Variants in FGD3 observed in about 807,000 individuals in gnomAD.
FGD3 encodes the protein FYVE, RhoGEF and PH domain-containing protein 3.
FGD3 carries 45 observed loss-of-function variants against 71.8 expected under a neutral mutation model. That is an observed-to-expected ratio of 0.63 (90% CI 0.49 to 0.80). FGD3 has a LOEUF of 0.80. Ranked by LOEUF, FGD3 falls within the 30% of genes least tolerant of loss-of-function variation. The pLI is 0.00. For synonymous variants in FGD3, 378 were observed against 392.8 expected (o/e 0.96, Z 0.44); for missense variants, 844 against 951.5 (o/e 0.89, Z 1.49).
At chr9:92,964,999 C>G (rs4587396) in intron 1 of FGD3, among the ~76,000 whole-genome samples, 2 of 152,152 alleles carry the variant, frequency 1.3e-5, no homozygotes, top group East Asian at 3.9e-4. Flanking sequence ...AGGAGTGCTG[C>G]GCCCACCAAA....
chr9:93,012,696 G>C (rs546760799), intron 8 of FGD3, among the ~76,000 whole-genome samples: 7 of 135,216 alleles, frequency 5.2e-5, no homozygotes, highest in Non-Finnish European at 9.5e-5. Flanking sequence ...GCGGGGTGTG[G>C]GGGGGGGAAG....
chr9:93,022,874 G>A (rs994656076), intron 14 of FGD3, among the ~76,000 whole-genome samples: 16 of 152,100 alleles, frequency 1.1e-4, no homozygotes, highest in Non-Finnish European at 1.6e-4. Flanking sequence ...GCCTCTCCCC[G>A]TCTGTGTTCT....
chr9:93,031,532 A>G (rs1214498059), intron 15 of FGD3, among the ~76,000 whole-genome samples: 1 of 152,072 alleles, frequency 6.6e-6, no homozygotes, highest in Non-Finnish European at 1.5e-5. Flanking sequence ...GCTTCCTCAC[A>G]CAAGAAGTGA....
intron 3 of FGD3, among the ~76,000 whole-genome samples, chr9:93,001,808 GA>G (rs1311072606): frequency 6.6e-6 from 1 of 152,142 alleles, no homozygotes; most frequent in Non-Finnish European, 1.5e-5. Context: ...GATTGTCAGG[GA>G]GAATTGGCCT....
At chr9:92,958,298 C>T (rs1859102644) in intron 1 of FGD3, among the ~76,000 whole-genome samples, 1 of 152,122 alleles carries the variant, frequency 6.6e-6, no homozygotes, top group South Asian at 2.1e-4. Flanking sequence ...CTTGCCCGGC[C>T]TTAAAGACTT....
At chr9:93,028,641 C>T (rs989143856) in intron 14 of FGD3, among the ~76,000 whole-genome samples, 21 of 152,242 alleles carry the variant, frequency 1.4e-4, no homozygotes, top group African/African-American at 3.1e-4. Context: ...TAACAGGAAA[C>T]GGTAATTAGC....
chr9:92,953,625 A>G (rs1858998048), intron 1 of FGD3, among the ~76,000 whole-genome samples: 1 of 152,094 alleles, frequency 6.6e-6, no homozygotes, highest in Non-Finnish European at 1.5e-5. Context: ...GGCTCACACA[A>G]TGTCACCTGC....
intron 14 of FGD3, among the ~76,000 whole-genome samples, chr9:93,026,519 C>T (rs1161939575): frequency 6.6e-6 from 1 of 152,220 alleles, no homozygotes; most frequent in Non-Finnish European, 1.5e-5. Context: ...CGGACCTCAG[C>T]TCCATGGGAG....
chr9:93,032,404 C>T (rs1862388893), intron 15 of FGD3: 1 of 224,544 alleles, frequency 4.5e-6, no homozygotes. Flanking sequence ...AATAGCCATG[C>T]TGAGGGGTGA....
In FGD3 at chr9:92,976,575, G is replaced by A. The variant is rs1404691949; in HGVS notation, c.319G>A (p.Ala107Thr). The A allele has an allele frequency of 5.6e-6, 9 of 1,612,536 alleles. No individual in the cohort carries two copies. The highest frequency in any genetic ancestry group is 6.8e-6 in the Non-Finnish European group (8 of 1,179,882). Residue 107 changes from alanine (A) to threonine (T), a missense_variant, in exon 3 of 18, where the codon GCG (alanine) becomes ACG (threonine). Physicochemically the swap from Ala to Thr is moderately conservative, Grantham distance 58. Transcript: ENST00000375482. ...EAGPSPTVLG[A>T]HAEMALDSQV... ...TGGCCCAAGCCCCACTGTACTGGGG[G>A]CGCACGCAGAGATGGCCCTGGACAG...
chr9:93,029,470 G>T (rs1862272704), intron 14 of FGD3, among the ~76,000 whole-genome samples: 1 of 152,242 alleles, frequency 6.6e-6, no homozygotes, highest in South Asian at 2.1e-4. Flanking sequence ...TGGCCACACG[G>T]CTCCAGTTGC....
rs576480176 is a variant in FGD3 at position 92,966,701 on chromosome 9, G to A, written c.-217-8537G>A. On this transcript the variant is annotated intron_variant, in intron 1 of 17. Coordinates refer to ENST00000375482, the MANE Select transcript of FGD3 (RefSeq NM_001083536.2). Reference sequence around the variant, plus strand: ...TGTGGACCAAGGAAGGAGGGCAAGAGTGTGTGAATGAGGGCTGAGCTCCGC... The same window carrying A: ...TGTGGACCAAGGAAGGAGGGCAAGAATGTGTGAATGAGGGCTGAGCTCCGC... Among the ~76,000 whole-genome samples, 33 of 152,314 alleles carry A rather than the reference G, an allele frequency of 2.2e-4. No individual in the cohort carries two copies. In the South Asian group the frequency reaches 5.6e-3, roughly 26 times the overall value.
At chr9:93,011,567 C>A (rs1587853522) in intron 8 of FGD3, among the ~76,000 whole-genome samples, 1 of 152,334 alleles carries the variant, frequency 6.6e-6, no homozygotes, top group African/African-American at 2.4e-5. Context: ...GTAAAAGAAT[C>A]ACTCTATGGG....
rs1407741443 is a variant in FGD3 at position 93,020,343 on chromosome 9, C to A, written c.1413C>A (p.His471Gln). ...IQIIQATIEKHKQNSETFKAF... is the reference protein window; with the variant it reads ...IQIIQATIEKQKQNSETFKAF... ...TCATCCAGGCCACCATCGAGAAGCA[C>A]AAACAGAACAGCGAAACCTTCAAGG... Residue 471 changes from histidine (H) to glutamine (Q), a missense_variant, in exon 13 of 18, where the codon CAC (histidine) becomes CAA (glutamine). By Grantham distance (24) the His-to-Gln change is conservative. Coordinates refer to ENST00000375482, the MANE Select transcript of FGD3 (RefSeq NM_001083536.2). 3.7e-6 allele frequency: 6 copies of A among 1,613,464 alleles called. No individual in the cohort carries two copies. The highest frequency in any genetic ancestry group is 5.1e-6 in the Non-Finnish European group (6 of 1,179,828).
Position 93,011,262 on chromosome 9 carries a change from T to C in FGD3, c.1025T>C (p.Ile342Thr), listed in dbSNP as rs1861354974. Residue 342 changes from isoleucine to threonine, a missense_variant, in exon 8 of 18, where the codon ATT (isoleucine) becomes ACT (threonine). Ile to Thr is a moderately conservative substitution (Grantham distance 89). Coordinates refer to ENST00000375482, the MANE Select transcript of FGD3 (RefSeq NM_001083536.2). ...GCCGCCAACCACTCCAATGCTGCCA[T>C]TCGGAAAGTGGTGAGTGTGGGGCTC... is the stretch of plus-strand genomic sequence containing the variant. ...STAANHSNAA[I>T]RKVEKMHKLL... The C allele has an allele frequency of 1.2e-6, 2 of 1,614,028 alleles. No homozygotes were observed. The highest frequency in any genetic ancestry group is 1.3e-5 in the African/African-American group (1 of 74,930).
At chr9:93,021,445 G>T (rs1187035483) in intron 13 of FGD3, among the ~76,000 whole-genome samples, 1 of 152,146 alleles carries the variant, frequency 6.6e-6, no homozygotes. Context: ...ATTGGGTGAG[G>T]AGGCCGATCT....
chr9:93,007,382 G>A (rs1230784963), intron 6 of FGD3, among the ~76,000 whole-genome samples: 9 of 152,088 alleles, frequency 5.9e-5, no homozygotes, highest in Non-Finnish European at 1.0e-4. Context: ...GAGCCACCGC[G>A]CCTGGCCCAG....
intron 14 of FGD3, among the ~76,000 whole-genome samples, chr9:93,027,715 CTTTTTTTTTT>C (rs1199094054): frequency 2.0e-5 from 2 of 102,000 alleles, no homozygotes; most frequent in African/African-American, 4.0e-5. Context: ...TTCTTTCTTT[CTTTTTTTTTT>C]TTTTTTTTTT....
intron 1 of FGD3, among the ~76,000 whole-genome samples, chr9:92,968,342 G>A (rs1413055422): frequency 3.9e-5 from 6 of 152,124 alleles, no homozygotes; most frequent in African/African-American, 7.2e-5. Flanking sequence ...GAGGTGCTGC[G>A]TTGATCTGCC....
Sources: allele counts gnomAD v4.1 joint callset (sites outside exome capture counted in the v4.1 genomes callset), GRCh38; gene constraint gnomAD v4.1.1; transcripts MANE v1.5; gene names NCBI Gene and HGNC (gene_info 2026-07-23, HGNC 2026-07-21).